The following FAM135A variants were observed in gnomAD, a reference collection of about 807,000 sequenced individuals.
FAM135A encodes the protein family with sequence similarity 135 member A.
Under a neutral mutation model 146.8 loss-of-function variants are expected in FAM135A, and 79 were observed. The ratio of observed to expected loss-of-function variants is 0.54; its 90% CI spans 0.45 to 0.65. The LOEUF is 0.65. Ranked by LOEUF, FAM135A falls within the 30% of genes least tolerant of loss-of-function variation. The pLI, the probability that FAM135A is intolerant of heterozygous loss-of-function variation, is 0.00. For synonymous variants in FAM135A, 562 were observed against 603.6 expected, an observed-to-expected ratio of 0.93 and a Z score of 1.01; for missense variants, 1,623 against 1,758.2, an observed-to-expected ratio of 0.92 and a Z score of 1.38.
At chr6:70,501,853 C>T (rs1788640012) in intron 11 of FAM135A, among the ~76,000 whole-genome samples, 1 of 152,176 alleles carries the variant, frequency 6.6e-6, no homozygotes, top group African/African-American at 2.4e-5. Flanking sequence ...GCAGAAATCA[C>T]CCACCTTCTG....
At chr6:70,455,126 C>T (rs1041004626) in intron 5 of FAM135A, among the ~76,000 whole-genome samples, 2 of 152,020 alleles carry the variant, frequency 1.3e-5, no homozygotes, top group South Asian at 4.2e-4. Context: ...TTGTAGTTCT[C>T]CTTGAAGAGG....
chr6:70,429,227 T>C lies in FAM135A; in HGVS notation c.77+808T>C, dbSNP rs560410329. 6.4e-4 allele frequency among the ~76,000 whole-genome samples: 98 copies of C among 152,212 alleles called. No individual in the cohort carries two copies. The Middle Eastern group carries it at 0.017, about 26-fold the overall frequency. ...CGAACATGTTATTTTTAAGAATAAT[T>C]AGGGGCCAGGTGTGGTGGCTCACAC... On this transcript the variant is annotated intron_variant, in intron 4 of 21. Coordinates refer to ENST00000418814, the MANE Select transcript of FAM135A (RefSeq NM_001162529.3).
rs1407718147 is a variant in FAM135A, at chr6:70,475,508, G to A, written c.256G>A (p.Val86Ile). ...YKNEEVVLND[V>I]MIFKVKMLLD... ...AAATGAAGAGGTTGTTTTAAATGAT[G>A]TTATGATCTTCAAAGTAAAAATGCT... The change falls in exon 6 of 22, where the codon GTT becomes ATT. Residue 86 changes from valine (V) to isoleucine (I), a missense_variant. By Grantham distance (29) the Val-to-Ile change is conservative. Around this residue, in one of 7 missense-constraint regions of FAM135A, gnomAD observed 171 missense variants for 164.9 expected, o/e 1.04. Coordinates refer to ENST00000418814, the MANE Select transcript of FAM135A (RefSeq NM_001162529.3). 2 of 1,603,266 alleles carry A rather than the reference G, an allele frequency of 1.2e-6. No homozygotes were observed. The highest frequency in any genetic ancestry group is 2.3e-5 in the South Asian group (2 of 88,002).
At chr6:70,556,099 A>C (rs1011394554) in intron 20 of FAM135A, among the ~76,000 whole-genome samples, 1 of 152,054 alleles carries the variant, frequency 6.6e-6, no homozygotes, top group Non-Finnish European at 1.5e-5. Context: ...AAATGCAAAA[A>C]TTAGCCAGGT....
In FAM135A at chr6:70,553,484, G is replaced by A. The variant is rs975323571; in HGVS notation, c.4229-3266G>A. On this transcript the variant is annotated intron_variant, in intron 20 of 21. Transcript: ENST00000418814. ...AGATTTTGATGTTACAGACTACTTA[G>A]CTAAATTGAGTGGACCTTAATATGT... is the stretch of plus-strand genomic sequence containing the variant. Among the ~76,000 whole-genome samples the A allele has an allele frequency of 3.3e-5, 5 of 152,212 alleles. No individual in the cohort carries two copies. The East Asian group carries it at 9.6e-4, about 29-fold the overall frequency.
At chr6:70,450,713 G>GTTTTTTTTTTTTTTTTTTTTTTTTTT (rs1192559967) in intron 4 of FAM135A, among the ~76,000 whole-genome samples, 1 of 29,780 alleles carries the variant, frequency 3.4e-5, no homozygotes, top group Non-Finnish European at 9.8e-5. Flanking sequence ...GACCCTTTTA[G>GTTTTTTTTTTTTTTTTTTTTTTTTTT]TTGTTTTTTT....
chr6:70,527,787 A>G (rs550758363), intron 15 of FAM135A, among the ~76,000 whole-genome samples: 105 of 152,248 alleles, frequency 6.9e-4, no homozygotes, highest in Non-Finnish European at 1.4e-3. Context: ...GCTCCTTCTT[A>G]TTGGTATTTT....
At chr6:70,414,310 C>T (rs542072865) in intron 1 of FAM135A, among the ~76,000 whole-genome samples, 1 of 152,096 alleles carries the variant, frequency 6.6e-6, no homozygotes, top group South Asian at 2.1e-4. Context: ...TGTTAGTTGC[C>T]GATTGTGTTT....
chr6:70,468,354 G>A (rs187829045), intron 5 of FAM135A, among the ~76,000 whole-genome samples: 1 of 152,208 alleles, frequency 6.6e-6, no homozygotes, highest in Admixed American at 6.5e-5. Flanking sequence ...CAATATAATG[G>A]ACAGTGCAAA....
rs73482575 is a variant in FAM135A at position 70,486,573 on chromosome 6, G to A, written c.823+4419G>A. ...TACAATTTGTTGGTTTAATGACATC[G>A]CCTTAAATTTGCTCAGTTATTTTAT... is the stretch of plus-strand genomic sequence containing the variant. On this transcript the variant is annotated intron_variant, in intron 10 of 21. Transcript: ENST00000418814. Among the ~76,000 whole-genome samples the A allele has an allele frequency of 4.1e-3, 627 of 152,050 alleles. 3 individuals are homozygous for A. Among genetic ancestry groups the A allele is most frequent in the African/African-American group, 0.015 (607 of 41,458 alleles).
chr6:70,527,871 T>C lies in FAM135A; in HGVS notation c.3615-421T>C, dbSNP rs536184135. On this transcript the variant is annotated intron_variant, in intron 15 of 21. Coordinates refer to ENST00000418814, the MANE Select transcript of FAM135A (RefSeq NM_001162529.3). ...CTCACTGTTACATTTTGTAAATCAC[T>C]CCTTCCCTTCCATTTATGCAAGATT... Among the ~76,000 whole-genome samples, 162 of 152,134 alleles carry C rather than the reference T, an allele frequency of 1.1e-3. 2 individuals carry two copies. The highest frequency in any genetic ancestry group is 1.6e-3 in the Non-Finnish European group (106 of 67,998).
At chr6:70,444,422 T>C (rs1199343870) in intron 4 of FAM135A, among the ~76,000 whole-genome samples, 6 of 150,958 alleles carry the variant, frequency 4.0e-5, no homozygotes, top group African/African-American at 7.3e-5. Context: ...AATAAATAAA[T>C]AAATAAATAA....
At chr6:70,553,493 A>G (rs1800232912) in intron 20 of FAM135A, among the ~76,000 whole-genome samples, 1 of 152,164 alleles carries the variant, frequency 6.6e-6, no homozygotes, top group Non-Finnish European at 1.5e-5. Flanking sequence ...AGCTAAATTG[A>G]GTGGACCTTA....
At chr6:70,488,299 T>C (rs1318104145) in intron 10 of FAM135A, among the ~76,000 whole-genome samples, 1 of 152,106 alleles carries the variant, frequency 6.6e-6, no homozygotes, top group Non-Finnish European at 1.5e-5. Context: ...ACCAGAATAC[T>C]GTGGGGTAAT....
intron 11 of FAM135A, among the ~76,000 whole-genome samples, chr6:70,499,332 T>C (rs1787995328): frequency 6.6e-6 from 1 of 152,204 alleles, no homozygotes; most frequent in South Asian, 2.1e-4. Context: ...TCCACTTGCT[T>C]GGTAAATATT....
chr6:70,514,080 A>G (rs1791661897), intron 12 of FAM135A, among the ~76,000 whole-genome samples: 1 of 151,736 alleles, frequency 6.6e-6, no homozygotes, highest in Non-Finnish European at 1.5e-5. Context: ...TTGCTATTAT[A>G]TCTTCAGATA....
At chr6:70,491,793 C>T (rs1786035723) in intron 11 of FAM135A, among the ~76,000 whole-genome samples, 2 of 151,816 alleles carry the variant, frequency 1.3e-5, no homozygotes, top group African/African-American at 2.4e-5. Flanking sequence ...AAAAAAGTCA[C>T]TAATGTGCTT....
chr6:70,497,129 T>C (rs1787465262), intron 11 of FAM135A, among the ~76,000 whole-genome samples: 1 of 152,200 alleles, frequency 6.6e-6, no homozygotes, highest in South Asian at 2.1e-4. Context: ...TTCCTATCCA[T>C]GAGCATGGAA....
chr6:70,524,663 A>G lies in FAM135A; in HGVS notation c.1579A>G (p.Lys527Glu). The change falls in exon 15 of 22, where the codon AAA (lysine) becomes GAA (glutamate). Residue 527 changes from lysine (K) to glutamate (E), a missense_variant. This residue lies in a region of FAM135A where 1,061 missense variants were observed against 1,113.8 expected (regional missense o/e 0.95). Transcript: ENST00000418814. ...GGTTTTGGTAGGCTACAAATGTTTG[A>G]AAAGTACAGCATCAAATGATCTCAT... ...SVVLVGYKCL[K>E]STASNDLIKC... 1.3e-6 allele frequency: 2 copies of G among 1,550,752 alleles called. No homozygotes were observed. The highest frequency in any genetic ancestry group is 1.7e-6 in the Non-Finnish European group (2 of 1,146,654).
Sources: allele counts gnomAD v4.1 joint callset (sites outside exome capture counted in the v4.1 genomes callset), GRCh38; gene constraint gnomAD v4.1.1; regional missense constraint gnomAD v4.1.1; transcripts MANE v1.5; gene names NCBI Gene and HGNC (gene_info 2026-07-23, HGNC 2026-07-21).